The following ASCC3 variants were observed in gnomAD, a reference collection of about 807,000 sequenced individuals.
ASCC3 encodes the protein activating signal cointegrator 1 complex subunit 3, also known as ASC-1 complex subunit P200.
Under a neutral mutation model 256.3 loss-of-function variants are expected in ASCC3, and 158 were observed. The ratio of observed to expected loss-of-function variants is 0.62; its 90% confidence interval spans 0.54 to 0.70. The LOEUF (loss-of-function observed/expected upper bound fraction) is 0.70, where lower values mean the gene tolerates loss of function less well. Among genes scored for constraint, ASCC3 ranks in the 30% least tolerant of loss-of-function variants. The probability of loss-of-function intolerance (pLI) is 0.00; values close to 1 mark genes in which losing one functional copy is unlikely to be tolerated. For synonymous variants in ASCC3, 948 were observed against 883.4 expected, an observed-to-expected ratio of 1.07 and a Z score of -1.30; for missense variants, 2,259 against 2,626.0, an observed-to-expected ratio of 0.86 and a Z score of 3.05.
chr6:100,634,640 A>G (rs1024531356), intron 25 of ASCC3, among the ~76,000 whole-genome samples: 8 of 152,200 alleles, frequency 5.3e-5, no homozygotes, highest in Non-Finnish European at 1.0e-4. Flanking sequence ...GATACATGAA[A>G]AGGTGCTCAA....
intron 10 of ASCC3, among the ~76,000 whole-genome samples, chr6:100,749,203 C>T (rs1780827546): frequency 6.6e-6 from 1 of 151,960 alleles, no homozygotes; most frequent in Admixed American, 6.6e-5. Flanking sequence ...AAACGTTATT[C>T]TTAATAAGTA....
At chr6:100,756,016 A>G (rs1002751135) in intron 10 of ASCC3, among the ~76,000 whole-genome samples, 61 of 152,016 alleles carry the variant, frequency 4.0e-4, no homozygotes, top group Non-Finnish European at 8.2e-4. Flanking sequence ...TCATTAGGAG[A>G]TTTTTAAGAT....
chr6:100,874,135 G>A (rs1353084825), intron 1 of ASCC3, among the ~76,000 whole-genome samples: 1 of 152,090 alleles, frequency 6.6e-6, no homozygotes, highest in East Asian at 1.9e-4. Flanking sequence ...ATCTGGGCTA[G>A]GCACTGGATG....
intron 34 of ASCC3, among the ~76,000 whole-genome samples, chr6:100,593,360 A>G (rs1042482143): frequency 6.6e-5 from 10 of 152,150 alleles, no homozygotes; most frequent in African/African-American, 2.2e-4. Flanking sequence ...AAAAATTTAC[A>G]AAGTTCGTAA....
intron 1 of ASCC3, among the ~76,000 whole-genome samples, chr6:100,874,058 C>T (rs1009993410): frequency 2.6e-5 from 4 of 152,154 alleles, no homozygotes; most frequent in Non-Finnish European, 4.4e-5. Flanking sequence ...AATGTAACAG[C>T]TCATTAGTTC....
intron 36 of ASCC3, among the ~76,000 whole-genome samples, chr6:100,570,579 C>T (rs759143903): frequency 6.6e-6 from 1 of 151,774 alleles, no homozygotes; most frequent in Admixed American, 6.6e-5. Context: ...GTCACACCTT[C>T]CCCTCCTTCT....
At chr6:100,648,524 C>T (rs529958207) in intron 20 of ASCC3, among the ~76,000 whole-genome samples, 22 of 151,970 alleles carry the variant, frequency 1.4e-4, no homozygotes, top group Middle Eastern at 3.4e-3. Context: ...ATAAGATATG[C>T]GCTGTCTTTT....
chr6:100,649,358 G>GA (rs1775547041), intron 20 of ASCC3, among the ~76,000 whole-genome samples: 1 of 151,336 alleles, frequency 6.6e-6, no homozygotes, highest in Non-Finnish European at 1.5e-5. Context: ...AAAATCATTA[G>GA]AAAATATAAA....
intron 13 of ASCC3, among the ~76,000 whole-genome samples, chr6:100,706,373 G>A (rs1778581531): frequency 6.6e-6 from 1 of 150,694 alleles, no homozygotes; most frequent in South Asian, 2.1e-4. Context: ...ATTCTACCGG[G>A]AAGTTCTTTG....
chr6:100,628,085 C>CA, intron 27 of ASCC3, 98 bp from the exon 28 acceptor site: 36 of 1,003,564 alleles, frequency 3.6e-5, no homozygotes, highest in South Asian at 8.4e-5. Flanking sequence ...CCTCAAAAAA[C>CA]AAAAACAAAA....
At chr6:100,846,727 C>T (rs1772402392) in intron 4 of ASCC3, among the ~76,000 whole-genome samples, 1 of 152,172 alleles carries the variant, frequency 6.6e-6, no homozygotes, top group Non-Finnish European at 1.5e-5. Context: ...TAAATCTAGT[C>T]ATATTTTAAG....
chr6:100,677,594 T>C (rs1030022183), intron 14 of ASCC3, among the ~76,000 whole-genome samples: 3 of 151,876 alleles, frequency 2.0e-5, no homozygotes, highest in Non-Finnish European at 4.4e-5. Context: ...GATGAGAAAA[T>C]TAAAGTGAAA....
At position 100,712,789 on chromosome 6, in the gene ASCC3, G is replaced by C. The variant is rs536475731; in HGVS notation, c.2151+2673C>G. Reference sequence around the variant, plus strand: ...TTTTTTTTTTTTGAGACGGAGTCTTGCTCTGTCACTCAGGCTGGAGCACAG... The same window carrying C: ...TTTTTTTTTTTTGAGACGGAGTCTTCCTCTGTCACTCAGGCTGGAGCACAG... On this transcript the variant is annotated intron_variant, in intron 13 of 41. Transcript: ENST00000369162. Among the ~76,000 whole-genome samples, 34 of 101,646 alleles carry C rather than the reference G, an allele frequency of 3.3e-4. No individual in the cohort carries two copies. The South Asian group carries it at 6.1e-3, about 18-fold the overall frequency. 66.7% of individuals were successfully genotyped at this position (101,646 alleles called of 152,430 possible). A position where few individuals can be genotyped will look rare whatever the true frequency, so the allele number is the denominator to read the frequency against.
intron 13 of ASCC3, among the ~76,000 whole-genome samples, chr6:100,683,530 A>G (rs1158946511): frequency 6.6e-6 from 1 of 152,144 alleles, no homozygotes; most frequent in Non-Finnish European, 1.5e-5. Context: ...CTCTATAAAC[A>G]CACCTGATTT....
At chr6:100,720,641 G>T (rs1316112041) in intron 11 of ASCC3, among the ~76,000 whole-genome samples, 1 of 151,664 alleles carries the variant, frequency 6.6e-6, no homozygotes, top group Non-Finnish European at 1.5e-5. Context: ...AAATTAGACA[G>T]ACAGCGCTTT....
chr6:100,830,612 A>T (rs9485414), intron 4 of ASCC3, among the ~76,000 whole-genome samples: 2 of 152,144 alleles, frequency 1.3e-5, no homozygotes, highest in Non-Finnish European at 2.9e-5. Context: ...GGCTACTGCT[A>T]TTGCTGCAAG....
At position 100,725,702 on chromosome 6, in the gene ASCC3, A is replaced by G. The variant is rs1779585903; in HGVS notation, c.1739T>C (p.Met580Thr). The G allele has an allele frequency of 6.2e-7, 1 of 1,612,224 alleles. No homozygotes were observed. The highest frequency in any genetic ancestry group is 1.7e-5 in the Admixed American group (1 of 59,826). ...LSKSEILRTQ[M>T]LVTTPEKWDV... is the part of the protein sequence containing the mutation. ...CCATTTTTCTGGTGTGGTCACAAGC[A>G]TCTATAAGAGAAGACACATTTTAAA... is the stretch of plus-strand genomic sequence containing the variant. The change falls in exon 11 of 42, where the codon ATG becomes ACG. Residue 580 changes from methionine to threonine, a missense_variant and splice_region_variant. Met to Thr is a moderately conservative substitution (Grantham distance 81). Coordinates refer to ENST00000369162, the MANE Select transcript of ASCC3 (RefSeq NM_006828.4).
chr6:100,608,953 CG>C (rs1280683585), intron 30 of ASCC3, among the ~76,000 whole-genome samples: 2 of 148,346 alleles, frequency 1.3e-5, no homozygotes, highest in African/African-American at 5.0e-5. Flanking sequence ...TTAGTAGAGA[CG>C]GGGTTTCCCG....
chr6:100,807,898 G>A (rs753257732), intron 4 of ASCC3, among the ~76,000 whole-genome samples: 3 of 151,814 alleles, frequency 2.0e-5, no homozygotes, highest in Non-Finnish European at 2.9e-5. Flanking sequence ...AATTGCTAGT[G>A]AAGAGGCTTT....
Sources: gnomAD v4.1 joint callset for allele counts (sites outside exome capture counted in the v4.1 genomes callset) on GRCh38, gnomAD v4.1.1 for gene constraint, MANE v1.5 for transcripts, NCBI Gene and HGNC (gene_info 2026-07-23, HGNC 2026-07-21) for gene names.